The following COL19A1 variants were observed in gnomAD, a reference collection of about 807,000 sequenced individuals.
The protein encoded by COL19A1 is collagen alpha-1(XIX) chain.
Under a neutral mutation model 190.2 loss-of-function variants are expected in COL19A1, and 159 were observed. The ratio of observed to expected loss-of-function variants is 0.84; its 90% confidence interval spans 0.73 to 0.95. COL19A1 has a LOEUF of 0.95. COL19A1 is among the 40% of genes least tolerant of loss of function. The pLI is 0.00. For synonymous variants in COL19A1, 509 were observed against 458.9 expected (o/e 1.11, Z -1.39); for missense variants, 1,418 against 1,431.9 (o/e 0.99, Z 0.16).
intron 11 of COL19A1, among the ~76,000 whole-genome samples, chr6:70,020,365 C>CT (rs1368419337): frequency 1.3e-5 from 2 of 151,958 alleles, no homozygotes; most frequent in African/African-American, 4.8e-5. Flanking sequence ...TTATGAATTT[C>CT]TTTTTTTGGT....
At chr6:69,960,106 T>G in intron 10 of COL19A1, 66 bp downstream of exon 10, 1 of 1,444,434 alleles carries the variant, frequency 6.9e-7, no homozygotes, top group South Asian at 1.2e-5. Flanking sequence ...AATTTGCACA[T>G]AATATTCTGA....
chr6:70,125,584 GA>G (rs1315416958), intron 17 of COL19A1, among the ~76,000 whole-genome samples: 2 of 147,026 alleles, frequency 1.4e-5, no homozygotes, highest in Admixed American at 1.4e-4. Flanking sequence ...GATGGAGAAG[GA>G]AAAAAAAAGC....
chr6:70,101,636 A>G (rs934249386), intron 15 of COL19A1, among the ~76,000 whole-genome samples: 1 of 152,232 alleles, frequency 6.6e-6, no homozygotes, highest in Non-Finnish European at 1.5e-5. Context: ...TTTAGTGAGC[A>G]TAAAAATTAT....
intron 11 of COL19A1, among the ~76,000 whole-genome samples, chr6:70,003,565 T>A (rs1471601495): frequency 1.3e-5 from 2 of 152,204 alleles, no homozygotes; most frequent in Non-Finnish European, 2.9e-5. Context: ...CTGTATTGGG[T>A]GCATATATAT....
chr6:69,929,381 A>G, intron 5 of COL19A1, 44 bp from the exon 6 acceptor site: 1 of 1,565,078 alleles, frequency 6.4e-7, no homozygotes, highest in South Asian at 1.2e-5. Flanking sequence ...ATAATTTTGA[A>G]CATTGATTTT....
At chr6:69,921,452 C>CAT (rs1473474371) in intron 4 of COL19A1, among the ~76,000 whole-genome samples, 1 of 116,040 alleles carries the variant, frequency 8.6e-6, no homozygotes, top group Non-Finnish European at 1.6e-5. Flanking sequence ...TATCATATAT[C>CAT]ATATATATCA....
At chr6:70,167,111 G>A (rs1765209076) in intron 37 of COL19A1, among the ~76,000 whole-genome samples, 1 of 152,180 alleles carries the variant, frequency 6.6e-6, no homozygotes, top group African/African-American at 2.4e-5. Context: ...GTCGCTGTCA[G>A]ATAAATGAGT....
At chr6:70,128,409 G>A (rs1056585605) in intron 17 of COL19A1, among the ~76,000 whole-genome samples, 3 of 152,138 alleles carry the variant, frequency 2.0e-5, no homozygotes, top group African/African-American at 7.2e-5. Context: ...GAGGGAAGAC[G>A]AAGTCACAGA....
intron 15 of COL19A1, among the ~76,000 whole-genome samples, chr6:70,096,614 G>A (rs1783292955): frequency 6.6e-6 from 1 of 152,160 alleles, no homozygotes; most frequent in Non-Finnish European, 1.5e-5. Flanking sequence ...TTCCAGTCCA[G>A]GTGCTCTTGA....
At chr6:70,017,652 T>G (rs1778191716) in intron 11 of COL19A1, among the ~76,000 whole-genome samples, 1 of 152,076 alleles carries the variant, frequency 6.6e-6, no homozygotes, top group South Asian at 2.1e-4. Flanking sequence ...CAGATCCCTG[T>G]GGAGCAGCAA....
chr6:70,029,843 T>G (rs1314136330), intron 12 of COL19A1, among the ~76,000 whole-genome samples: 2 of 152,176 alleles, frequency 1.3e-5, no homozygotes, highest in African/African-American at 4.8e-5. Flanking sequence ...AAGAAAGAAC[T>G]ATCAGTTATC....
intron 4 of COL19A1, among the ~76,000 whole-genome samples, chr6:69,901,442 C>T (rs1770183003): frequency 6.6e-6 from 1 of 152,108 alleles, no homozygotes. Context: ...GTAAACTGCT[C>T]AATACTTGGT....
At chr6:70,048,697 G>A (rs1780033390) in intron 14 of COL19A1, among the ~76,000 whole-genome samples, 1 of 151,834 alleles carries the variant, frequency 6.6e-6, no homozygotes, top group African/African-American at 2.4e-5. Flanking sequence ...ATTTACTTTT[G>A]GTTTGTTAAA....
In COL19A1 at chr6:69,919,852, G is replaced by A. The variant is rs1410900849; in HGVS notation, c.267-8057G>A. On this transcript the variant is annotated intron_variant, in intron 4 of 50. Coordinates refer to ENST00000620364, the MANE Select transcript of COL19A1 (RefSeq NM_001858.6). ...CTTCAGTGATTTACTTATTATAAAG[G>A]CTATAGGTTGGGAGTTCTAGACTTT... 5.3e-5 allele frequency among the ~76,000 whole-genome samples: 8 copies of A among 151,902 alleles called. No homozygotes were observed. In the South Asian group the frequency reaches 1.0e-3, roughly 20 times the overall value.
intron 12 of COL19A1, 113 bp downstream of exon 12, chr6:70,023,793 CA>C: frequency 1.1e-6 from 1 of 870,932 alleles, no homozygotes; most frequent in Non-Finnish European, 1.7e-6. Flanking sequence ...CATGATCCAA[CA>C]AAATTAAGAA....
intron 14 of COL19A1, among the ~76,000 whole-genome samples, chr6:70,057,089 A>G (rs971687878): frequency 3.3e-5 from 5 of 152,194 alleles, no homozygotes; most frequent in African/African-American, 4.8e-5. Flanking sequence ...ACATTGGAAG[A>G]CATTTTAAAA....
intron 15 of COL19A1, among the ~76,000 whole-genome samples, chr6:70,090,733 T>C (rs1157884364): frequency 6.6e-6 from 1 of 152,162 alleles, no homozygotes; most frequent in Non-Finnish European, 1.5e-5. Context: ...CTATATAATA[T>C]GACCTTTTTA....
At chr6:70,154,032 C>T (rs948786325) in intron 31 of COL19A1, among the ~76,000 whole-genome samples, 4 of 151,832 alleles carry the variant, frequency 2.6e-5, no homozygotes, top group East Asian at 1.9e-4. Context: ...TAGTTATACA[C>T]GTGCCATGGT....
chr6:70,028,727 C>A (rs1178398458), intron 12 of COL19A1, among the ~76,000 whole-genome samples: 1 of 152,044 alleles, frequency 6.6e-6, no homozygotes, highest in Non-Finnish European at 1.5e-5. Flanking sequence ...ACTCAGCATG[C>A]CAAAGCACCA....
Sources: gnomAD v4.1 joint callset for allele counts (sites outside exome capture counted in the v4.1 genomes callset) on GRCh38, gnomAD v4.1.1 for gene constraint, MANE v1.5 for transcripts, NCBI Gene and HGNC (gene_info 2026-07-23, HGNC 2026-07-21) for gene names.